The following DDX31 variants were observed in gnomAD, a reference collection of about 807,000 sequenced individuals.
The protein encoded by DDX31 is DEAD-box helicase 31.
Under a neutral mutation model 91.3 loss-of-function variants are expected in DDX31, and 70 were observed. The ratio of observed to expected loss-of-function variants is 0.77; its 90% CI spans 0.63 to 0.94. DDX31 has a LOEUF of 0.94. DDX31 is among the 40% of genes least tolerant of loss of function. DDX31 has a pLI of 0.00. For missense variants in DDX31, 902 were observed against 925.0 expected, an observed-to-expected ratio of 0.98 and a Z score of 0.32; for synonymous variants, 362 against 350.6, an observed-to-expected ratio of 1.03 and a Z score of -0.36.
intron 17 of DDX31, among the ~76,000 whole-genome samples, chr9:132,621,186 T>TAGG (rs1832008419): frequency 6.6e-6 from 1 of 152,190 alleles, no homozygotes; most frequent in Non-Finnish European, 1.5e-5. Context: ...CTAAGATAAA[T>TAGG]AGGCTGGACT....
chr9:132,648,081 C>T (rs1833946660), intron 11 of DDX31, 108 bp downstream of exon 11: 1 of 860,200 alleles, frequency 1.2e-6, no homozygotes, highest in African/African-American at 1.7e-5. Context: ...TCTCCCTGCC[C>T]CCACCTCCCT....
At chr9:132,651,765 T>G (rs1219723830) in intron 7 of DDX31, among the ~76,000 whole-genome samples, 1 of 152,202 alleles carries the variant, frequency 6.6e-6, no homozygotes, top group Non-Finnish European at 1.5e-5. Context: ...TTTCCACATA[T>G]TTAGTATTCA....
rs149861349 is a variant in DDX31, at chr9:132,600,560, G to T, written c.1995-5448C>A. On this transcript the variant is annotated intron_variant, in intron 19 of 19. Transcript: ENST00000372159. ...AACTGAGAAAAACCGCGGATGGCCCGGCACACTTGCTGCCTGGAAGGCCAT... is the reference window on the plus strand; with the variant it reads ...AACTGAGAAAAACCGCGGATGGCCCTGCACACTTGCTGCCTGGAAGGCCAT... 2.3e-3 allele frequency among the ~76,000 whole-genome samples: 346 copies of T among 152,250 alleles called. 3 individuals are homozygous for T. Among genetic ancestry groups the T allele is most frequent in the African/African-American group, 7.9e-3 (330 of 41,536 alleles).
At chr9:132,635,820 T>C (rs1191887261) in intron 14 of DDX31, among the ~76,000 whole-genome samples, 1 of 151,846 alleles carries the variant, frequency 6.6e-6, no homozygotes, top group Non-Finnish European at 1.5e-5. Flanking sequence ...GGTGCATGCC[T>C]GTAGTCCCAG....
At chr9:132,639,181 G>A (rs1254643107) in intron 14 of DDX31, among the ~76,000 whole-genome samples, 2 of 151,954 alleles carry the variant, frequency 1.3e-5, no homozygotes, top group Admixed American at 6.5e-5. Context: ...CACTCGCCCC[G>A]CAGCTCTCAT....
chr9:132,598,206 T>A (rs796248022), intron 19 of DDX31, among the ~76,000 whole-genome samples: 3 of 152,296 alleles, frequency 2.0e-5, no homozygotes, highest in African/African-American at 7.2e-5. Context: ...TGTCTCCTTT[T>A]CCTTTGTTCC....
intron 6 of DDX31, 129 bp from the exon 7 acceptor site, chr9:132,652,621 G>A (rs774727158): frequency 8.4e-7 from 1 of 1,193,166 alleles, no homozygotes; most frequent in African/African-American, 1.5e-5. Context: ...ACAAAATAAG[G>A]TTGCCCACTG....
intron 13 of DDX31, 120 bp from the exon 14 acceptor site, chr9:132,642,183 G>T: frequency 1.1e-6 from 1 of 870,856 alleles, no homozygotes; most frequent in Non-Finnish European, 1.8e-6. Flanking sequence ...GCACAGAGAG[G>T]TTTGCCAGGA....
Position 132,594,650 on chromosome 9 carries a change from G to C in DDX31, c.*216C>G. On this transcript the variant is annotated 3_prime_UTR_variant, in exon 20 of 20. Coordinates refer to ENST00000372159, the MANE Select transcript of DDX31 (RefSeq NM_022779.9). Reference sequence around the variant, plus strand: ...TACAAGACACAGACCCCTTCCGTCGGGAGCTGGCTAGTCTCTACAGTGCCC... The same window carrying C: ...TACAAGACACAGACCCCTTCCGTCGCGAGCTGGCTAGTCTCTACAGTGCCC... 1 of 686,094 alleles carries C rather than the reference G, an allele frequency of 1.5e-6. No homozygotes were observed. Among genetic ancestry groups the C allele is most frequent in the East Asian group, 3.0e-5 (1 of 33,534 alleles). The allele number at this position is 686,094 out of a possible 1,614,324, so 42.5% of individuals were successfully genotyped here.
intron 19 of DDX31, among the ~76,000 whole-genome samples, chr9:132,607,715 G>A (rs1428157442): frequency 1.3e-5 from 2 of 152,112 alleles, no homozygotes; most frequent in Admixed American, 6.5e-5. Context: ...GTCTCACTCT[G>A]TCACCCACGC....
intron 7 of DDX31, 107 bp from the exon 8 acceptor site, chr9:132,651,223 T>A: frequency 2.1e-6 from 2 of 950,918 alleles, no homozygotes; most frequent in Middle Eastern, 2.9e-4. Flanking sequence ...AAGTTAAGAT[T>A]TAAGAAGAAA....
chr9:132,644,126 A>T (rs529019240), intron 13 of DDX31, among the ~76,000 whole-genome samples: 109 of 152,224 alleles, frequency 7.2e-4, no homozygotes, highest in African/African-American at 2.5e-3. Flanking sequence ...CAAGAAACTC[A>T]CCCCTAATAC....
intron 11 of DDX31, 41 bp downstream of exon 11, chr9:132,648,144 CTTCA>C: frequency 6.7e-7 from 1 of 1,498,300 alleles, no homozygotes; most frequent in Non-Finnish European, 9.2e-7. Context: ...GGTCCTTCCT[CTTCA>C]TTAAGAACAA....
intron 19 of DDX31, among the ~76,000 whole-genome samples, chr9:132,596,802 G>A (rs1052466907): frequency 2.0e-5 from 3 of 152,170 alleles, no homozygotes; most frequent in Admixed American, 1.3e-4. Context: ...GGTCTCCTAA[G>A]GACTACTTCA....
intron 17 of DDX31, among the ~76,000 whole-genome samples, chr9:132,622,797 T>C (rs1246929914): frequency 1.3e-5 from 2 of 152,212 alleles, no homozygotes; most frequent in Non-Finnish European, 1.5e-5. Context: ...TACTAACTTG[T>C]ATGACTACAA....
In DDX31 at chr9:132,618,514, T is replaced by C. The variant is rs866328949; in HGVS notation, c.1714-73A>G. On this transcript the variant is annotated intron_variant, in intron 17 of 19. Transcript: ENST00000372159. ...GAATAATGAAGCAGTTTATAATAGA[T>C]TTAATAACAGTAAAATCACACAGTA... 221 of 1,302,918 alleles carry C rather than the reference T, an allele frequency of 1.7e-4. 3 individuals carry two copies. The highest frequency in any genetic ancestry group is 1.4e-3 in the Middle Eastern group (7 of 5,104). 80.7% of individuals were successfully genotyped at this position (1,302,918 alleles called of 1,614,324 possible). A position where few individuals can be genotyped will look rare whatever the true frequency, so the allele number is the denominator to read the frequency against.
chr9:132,656,929 G>A (rs543604659), intron 6 of DDX31, among the ~76,000 whole-genome samples: 1 of 152,194 alleles, frequency 6.6e-6, no homozygotes, highest in South Asian at 2.1e-4. Flanking sequence ...TTCTCTCACC[G>A]TAAAGCACTT....
At chr9:132,659,415 T>G (rs1834793062) in intron 5 of DDX31, among the ~76,000 whole-genome samples, 1 of 152,158 alleles carries the variant, frequency 6.6e-6, no homozygotes. Flanking sequence ...CATTCTCCAC[T>G]AGAGTGAGAA....
At position 132,646,030 on chromosome 9, in the gene DDX31, G is replaced by C. The variant is rs767428677; in HGVS notation, c.1245C>G (p.Cys415Trp). Residue 415 changes from cysteine (C) to tryptophan (W), a missense_variant, in exon 13 of 20, where the codon TGC (cysteine) becomes TGG (tryptophan). Cys to Trp is a radical substitution (Grantham distance 215). Transcript: ENST00000372159. ...GGCTGTAGTGGAACTCCACCAGCTC[G>C]CAACTTGAGAAAAAGACAACCATCT... Reference protein sequence around the residue: ...DQKMVVFFSSCELVEFHYSLF... With the variant: ...DQKMVVFFSSWELVEFHYSLF... 2.3e-5 allele frequency: 37 copies of C among 1,614,052 alleles called. No homozygotes were observed. The highest frequency in any genetic ancestry group is 3.3e-5 in the Admixed American group (2 of 60,016).
Sources: allele counts gnomAD v4.1 joint callset (sites outside exome capture counted in the v4.1 genomes callset), GRCh38; gene constraint gnomAD v4.1.1; transcripts MANE v1.5; gene names NCBI Gene and HGNC (gene_info 2026-07-23, HGNC 2026-07-21).